The following GMPR variants were observed in gnomAD, a reference collection of about 807,000 sequenced individuals.
The protein encoded by GMPR is guanosine monophosphate reductase.
Under a neutral mutation model 38.4 loss-of-function variants are expected in GMPR, and 31 were observed. The ratio of observed to expected loss-of-function variants is 0.81; its 90% CI spans 0.61 to 1.09. GMPR has a LOEUF of 1.09. Among genes scored for constraint, GMPR ranks in the 50% least tolerant of loss-of-function variants. GMPR has a pLI of 0.00. For synonymous variants in GMPR, 162 were observed against 173.3 expected (o/e 0.93, Z 0.51); for missense variants, 468 against 453.7 (o/e 1.03, Z -0.29).
chr6:16,244,736 A>C (rs1758724137), intron 1 of GMPR, among the ~76,000 whole-genome samples: 1 of 152,234 alleles, frequency 6.6e-6, no homozygotes. Context: ...TGAAATATTT[A>C]AAATATTTAT....
chr6:16,269,915 T>C (rs1294328368), intron 4 of GMPR, among the ~76,000 whole-genome samples: 1 of 152,250 alleles, frequency 6.6e-6, no homozygotes, highest in Non-Finnish European at 1.5e-5. Flanking sequence ...GGCTCATAGA[T>C]AGATGGCCAT....
At position 16,254,800 on chromosome 6, in the gene GMPR, A is replaced by G. The variant is rs1017493085; in HGVS notation, c.465+65A>G. 4 of 1,162,162 alleles carry G rather than the reference A, an allele frequency of 3.4e-6. No individual in the cohort carries two copies. In the Admixed American group the frequency reaches 5.1e-5, roughly 15 times the overall value. 72.0% of individuals were successfully genotyped at this position (1,162,162 alleles called of 1,614,324 possible). ...TGGGGAAGCCACGAGGGAGTTGTTC[A>G]ATGTGTCGGGGGAGCTGTATCCTCT... On this transcript the variant is annotated intron_variant, in intron 4 of 8. Coordinates refer to ENST00000259727, the MANE Select transcript of GMPR (RefSeq NM_006877.4).
intron 5 of GMPR, among the ~76,000 whole-genome samples, chr6:16,277,060 G>A (rs1759485406): frequency 1.3e-5 from 2 of 152,110 alleles, no homozygotes; most frequent in South Asian, 4.1e-4. Context: ...TGGGAGAGGA[G>A]GAGAAAAGCT....
chr6:16,289,110 C>G (rs960085100), intron 7 of GMPR, among the ~76,000 whole-genome samples: 1 of 152,212 alleles, frequency 6.6e-6, no homozygotes, highest in Non-Finnish European at 1.5e-5. Flanking sequence ...TCTGTTGCTG[C>G]TCGGTCTTTA....
intron 3 of GMPR, among the ~76,000 whole-genome samples, chr6:16,252,279 GGCAGAGTTTT>G (rs763874691): frequency 2.6e-5 from 4 of 151,650 alleles, no homozygotes; most frequent in Non-Finnish European, 5.9e-5. Flanking sequence ...TTTTGTTTGA[GGCAGAGTTTT>G]GCTCTTGTCA....
At chr6:16,266,287 G>T (rs1015277829) in intron 4 of GMPR, among the ~76,000 whole-genome samples, 5 of 151,376 alleles carry the variant, frequency 3.3e-5, no homozygotes, top group Non-Finnish European at 4.4e-5. Flanking sequence ...CTTCATTCCT[G>T]AAGTCAGTGT....
chr6:16,240,771 A>G (rs1288452239), intron 1 of GMPR, among the ~76,000 whole-genome samples: 1 of 152,248 alleles, frequency 6.6e-6, no homozygotes, highest in Admixed American at 6.5e-5. Flanking sequence ...GCATCTTTGC[A>G]ATCTTCATGT....
chr6:16,266,882 G>A (rs1759254979), intron 4 of GMPR, among the ~76,000 whole-genome samples: 1 of 151,356 alleles, frequency 6.6e-6, no homozygotes, highest in African/African-American at 2.4e-5. Context: ...CGTCCGGGAG[G>A]AACGAACAAC....
At chr6:16,275,469 C>G (rs6922229) in intron 5 of GMPR, among the ~76,000 whole-genome samples, 2 of 151,928 alleles carry the variant, frequency 1.3e-5, no homozygotes, top group Non-Finnish European at 2.9e-5. Context: ...CCTGTAGATT[C>G]GTAAAAATAC....
At position 16,246,914 on chromosome 6, in the gene GMPR, A is replaced by C; in HGVS notation, c.160A>C (p.Asn54His). 1 of 1,613,920 alleles carries C rather than the reference A, an allele frequency of 6.2e-7. No homozygotes were observed. The highest frequency in any genetic ancestry group is 1.1e-5 in the South Asian group (1 of 91,072). The change falls in exon 2 of 9, where the codon AAC becomes CAC. Residue 54 changes from asparagine (N) to histidine (H), a missense_variant. Physicochemically the swap from Asn to His is moderately conservative, Grantham distance 68. Transcript: ENST00000259727. ...CTCAGGGATTCCCATCATCGTGGCC[A>C]ACATGGACACTGTGGGCACGTTTGA... ...TYSGIPIIVA[N>H]MDTVGTFEMA...
At chr6:16,258,017 C>T (rs1313965422) in intron 4 of GMPR, 2 of 152,182 alleles carry the variant, frequency 1.3e-5, no homozygotes, top group Non-Finnish European at 2.9e-5. Context: ...CTTTCCTCAC[C>T]TGTGAAAAGG....
At chr6:16,283,103 C>T (rs1029551761) in intron 6 of GMPR, among the ~76,000 whole-genome samples, 1 of 152,214 alleles carries the variant, frequency 6.6e-6, no homozygotes, top group Non-Finnish European at 1.5e-5. Context: ...GCCACTGTGC[C>T]TGTAGCCTGA....
intron 4 of GMPR, among the ~76,000 whole-genome samples, chr6:16,258,707 T>G (rs1759024846): frequency 1.3e-5 from 2 of 152,246 alleles, no homozygotes; most frequent in South Asian, 4.1e-4. Context: ...TCTGTGATTC[T>G]TTTGGAAACC....
chr6:16,241,815 C>T (rs1430404110), intron 1 of GMPR, among the ~76,000 whole-genome samples: 1 of 152,086 alleles, frequency 6.6e-6, no homozygotes, highest in African/African-American at 2.4e-5. Flanking sequence ...GATCTTGGCT[C>T]GCTGCAACCT....
chr6:16,243,688 C>T (rs1167495303), intron 1 of GMPR, among the ~76,000 whole-genome samples: 5 of 152,206 alleles, frequency 3.3e-5, no homozygotes, highest in Admixed American at 3.3e-4. Flanking sequence ...AAAGGAGCCT[C>T]TGTCCTGGGT....
chr6:16,284,142 T>G (rs1217073461), intron 6 of GMPR, among the ~76,000 whole-genome samples: 1 of 152,160 alleles, frequency 6.6e-6, no homozygotes, highest in Non-Finnish European at 1.5e-5. Flanking sequence ...AATAACACAT[T>G]TGATTGAGGA....
At chr6:16,264,166 CG>C (rs1759144843) in intron 4 of GMPR, among the ~76,000 whole-genome samples, 1 of 151,892 alleles carries the variant, frequency 6.6e-6, no homozygotes. Flanking sequence ...AGTCTGTGAC[CG>C]GCGCCGGAGT....
chr6:16,278,385 T>C (rs1382540067), intron 5 of GMPR, among the ~76,000 whole-genome samples: 1 of 152,058 alleles, frequency 6.6e-6, no homozygotes, highest in Non-Finnish European at 1.5e-5. Context: ...TACGAGCCAG[T>C]GGGAGGATTC....
At chr6:16,289,241 G>A (rs1226905559) in intron 7 of GMPR, among the ~76,000 whole-genome samples, 1 of 152,158 alleles carries the variant, frequency 6.6e-6, no homozygotes, top group African/African-American at 2.4e-5. Context: ...ACCTTATAGA[G>A]CTGTTACACT....
Sources: allele counts gnomAD v4.1 joint callset (sites outside exome capture counted in the v4.1 genomes callset), GRCh38; gene constraint gnomAD v4.1.1; transcripts MANE v1.5; gene names NCBI Gene and HGNC (gene_info 2026-07-23, HGNC 2026-07-21).